Variants in ENTREP2 observed in about 807,000 individuals in gnomAD.
ENTREP2 encodes the protein protein ENTREP2.
At chr15:29,480,774 C>G in the ENTREP2 span, among the ~76,000 whole-genome samples, 2 of 152,160 alleles carry the variant, frequency 1.3e-5, no homozygotes, top group African/African-American at 4.8e-5. Flanking sequence ...CCGGGCAACT[C>G]TGACTTTCCG....
At chr15:29,202,061 A>G in the ENTREP2 span, among the ~76,000 whole-genome samples, 2 of 152,186 alleles carry the variant, frequency 1.3e-5, no homozygotes, top group African/African-American at 2.4e-5. Context: ...ATTTGTGTAA[A>G]GCCATTCCTA....
the ENTREP2 span, among the ~76,000 whole-genome samples, chr15:29,480,501 A>G: frequency 1.3e-5 from 2 of 152,032 alleles, no homozygotes; most frequent in African/African-American, 4.8e-5. Context: ...CAGGGAGGCC[A>G]CAGGCTCACT....
chr15:29,519,032 G>A, the ENTREP2 span, among the ~76,000 whole-genome samples: 1 of 152,088 alleles, frequency 6.6e-6, no homozygotes, highest in Non-Finnish European at 1.5e-5. Context: ...TGCTCCCCAA[G>A]CTGTTCTCAG....
the ENTREP2 span, among the ~76,000 whole-genome samples, chr15:29,173,113 G>A: frequency 2.0e-5 from 3 of 152,218 alleles, no homozygotes; most frequent in African/African-American, 4.8e-5. Context: ...AGCTCTCTCC[G>A]CTTCCCAGTC....
At chr15:29,164,528 T>A in the ENTREP2 span, among the ~76,000 whole-genome samples, 164 of 152,230 alleles carry the variant, frequency 1.1e-3, no homozygotes, top group Non-Finnish European at 2.2e-3. Flanking sequence ...GGGGTAGCTA[T>A]TCTTATATCA....
chr15:29,141,371 C>G, the ENTREP2 span, among the ~76,000 whole-genome samples: 10 of 152,230 alleles, frequency 6.6e-5, no homozygotes, highest in Admixed American at 4.6e-4. Flanking sequence ...CAGACCCAGA[C>G]AGCAGTGCTG....
chr15:29,365,889 C>A, the ENTREP2 span, among the ~76,000 whole-genome samples: 1 of 152,048 alleles, frequency 6.6e-6, no homozygotes, highest in Non-Finnish European at 1.5e-5. Flanking sequence ...GGCCCCAGCA[C>A]CACCCAGCAA....
chr15:29,229,745 T>C, the ENTREP2 span, among the ~76,000 whole-genome samples: 11 of 152,310 alleles, frequency 7.2e-5, no homozygotes, highest in South Asian at 2.1e-3. Flanking sequence ...ATTAGCTAGA[T>C]CCTTTTCTCT....
At chr15:29,223,359 TG>T in the ENTREP2 span, among the ~76,000 whole-genome samples, 1 of 152,176 alleles carries the variant, frequency 6.6e-6, no homozygotes, top group Non-Finnish European at 1.5e-5. Flanking sequence ...CGGCAGCCTC[TG>T]GGATTCTGTT....
the ENTREP2 span, among the ~76,000 whole-genome samples, chr15:29,567,878 G>C: frequency 6.6e-6 from 1 of 152,162 alleles, no homozygotes; most frequent in Non-Finnish European, 1.5e-5. Flanking sequence ...GAGCACATAG[G>C]TCTCATTTTA....
chr15:29,468,378 G>C, the ENTREP2 span, among the ~76,000 whole-genome samples: 2 of 152,160 alleles, frequency 1.3e-5, no homozygotes, highest in South Asian at 4.2e-4. Context: ...TGGGAGGCCA[G>C]GGTGGGCAGA....
the ENTREP2 span, among the ~76,000 whole-genome samples, chr15:29,222,049 G>A: frequency 6.6e-6 from 1 of 152,118 alleles, no homozygotes; most frequent in Non-Finnish European, 1.5e-5. Context: ...ATAGGGGCTG[G>A]GTAAAATAAG....
chr15:29,403,043 C>T, the ENTREP2 span, among the ~76,000 whole-genome samples: 10 of 152,052 alleles, frequency 6.6e-5, no homozygotes, highest in African/African-American at 2.4e-4. Context: ...GAAACAATGG[C>T]GGCCAGTCTG....
chr15:29,189,377 G>C, the ENTREP2 span, among the ~76,000 whole-genome samples: 2 of 152,046 alleles, frequency 1.3e-5, no homozygotes, highest in South Asian at 4.2e-4. Context: ...CTCGTGCTGA[G>C]TGGTGTGTGA....
chr15:29,654,930 C>G, the ENTREP2 span, among the ~76,000 whole-genome samples: 1 of 152,278 alleles, frequency 6.6e-6, no homozygotes, highest in South Asian at 2.1e-4. Context: ...AATCTAGTCT[C>G]ATGGCTTGAG....
chr15:29,311,747 A>G, the ENTREP2 span, among the ~76,000 whole-genome samples: 7 of 152,322 alleles, frequency 4.6e-5, no homozygotes, highest in African/African-American at 1.7e-4. Flanking sequence ...CATTCTTTCA[A>G]TAAGTAGATA....
At chr15:29,253,452 C>CT in the ENTREP2 span, among the ~76,000 whole-genome samples, 95,349 of 142,612 alleles carry the variant, frequency 0.67, 33,815 homozygotes, top group South Asian at 0.81. Context: ...GTCTCTCTCT[C>CT]TTTTTTTTTT....
At chr15:29,271,644 G>T in the ENTREP2 span, among the ~76,000 whole-genome samples, 9 of 151,912 alleles carry the variant, frequency 5.9e-5, no homozygotes, top group Admixed American at 5.9e-4. Flanking sequence ...TCTGACCACC[G>T]GTGCATGTAG....
chr15:29,120,263 C>CTTCT, the ENTREP2 span: 1 of 146,098 alleles, frequency 6.8e-6, no homozygotes, highest in African/African-American at 2.8e-5. Context: ...GCCAGAAATA[C>CTTCT]TTCTTTTTAT....
Sources: allele counts gnomAD v4.1 joint callset (sites outside exome capture counted in the v4.1 genomes callset), GRCh38; gene constraint gnomAD v4.1.1; transcripts MANE v1.5; gene names NCBI Gene and HGNC (gene_info 2026-07-23, HGNC 2026-07-21).